Variants in KIF9 observed in about 807,000 individuals in gnomAD.
KIF9 encodes kinesin family member 9.
KIF9 carries 68 observed loss-of-function variants against 94.8 expected under a neutral mutation model. The observed-to-expected ratio is 0.72, with a 90% CI of 0.59 to 0.88. KIF9 has a LOEUF of 0.88. Among genes scored for constraint, KIF9 ranks in the 40% least tolerant of loss-of-function variants. KIF9 has a pLI of 0.00. For synonymous variants in KIF9, 343 were observed against 362.1 expected, an observed-to-expected ratio of 0.95 and a Z score of 0.60; for missense variants, 882 against 982.5, an observed-to-expected ratio of 0.90 and a Z score of 1.37.
chr3:47,252,424 T>A (rs1164591991), intron 10 of KIF9, among the ~76,000 whole-genome samples: 1 of 149,306 alleles, frequency 6.7e-6, no homozygotes, highest in African/African-American at 2.5e-5. Flanking sequence ...GGAGACCCCA[T>A]CACTAGAGGA....
intron 1 of KIF9, among the ~76,000 whole-genome samples, chr3:47,280,788 A>G (rs1702280863): frequency 6.6e-6 from 1 of 152,132 alleles, no homozygotes; most frequent in East Asian, 1.9e-4. Flanking sequence ...CACCCCATGT[A>G]TGCTTCCCAA....
At chr3:47,270,891 C>G (rs947672558) in intron 5 of KIF9, among the ~76,000 whole-genome samples, 2 of 147,552 alleles carry the variant, frequency 1.4e-5, no homozygotes, top group African/African-American at 5.0e-5. Context: ...GTAATCCCTG[C>G]ACTTTGAGAG....
chr3:47,244,953 T>A, intron 14 of KIF9, 29 bp from the exon 15 acceptor site: 2 of 1,613,002 alleles, frequency 1.2e-6, no homozygotes, highest in Middle Eastern at 1.7e-4. Flanking sequence ...CAAAGGTCTG[T>A]GAGTTAGATT....
chr3:47,233,574 T>G (rs933159523), intron 20 of KIF9, among the ~76,000 whole-genome samples: 3 of 149,816 alleles, frequency 2.0e-5, no homozygotes, highest in Non-Finnish European at 4.4e-5. Context: ...TGTATGCCTA[T>G]AGTCCCAGCT....
intron 10 of KIF9, among the ~76,000 whole-genome samples, chr3:47,253,392 G>C (rs975323677): frequency 2.6e-5 from 4 of 152,054 alleles, no homozygotes; most frequent in Admixed American, 6.6e-5. Context: ...CTGGCCTCAA[G>C]TGACCCGCCT....
intron 2 of KIF9, among the ~76,000 whole-genome samples, chr3:47,276,768 A>C (rs890936077): frequency 2.0e-5 from 3 of 152,170 alleles, no homozygotes; most frequent in Admixed American, 6.5e-5. Context: ...TGCTGCCCAG[A>C]GTAGGCCCAT....
At chr3:47,279,109 T>C (rs1702156539) in intron 1 of KIF9, among the ~76,000 whole-genome samples, 2 of 147,808 alleles carry the variant, frequency 1.4e-5, no homozygotes, top group South Asian at 4.3e-4. Flanking sequence ...TGCAGTTAGC[T>C]TTGATCATAC....
chr3:47,257,356 G>A (rs952172116), intron 10 of KIF9, 127 bp downstream of exon 10: 5 of 814,116 alleles, frequency 6.1e-6, no homozygotes, highest in Non-Finnish European at 8.2e-6. Flanking sequence ...GAGTGGAAAA[G>A]GGCTGACCCA....
intron 5 of KIF9, among the ~76,000 whole-genome samples, chr3:47,270,009 C>G (rs935322417): frequency 6.6e-6 from 1 of 151,794 alleles, no homozygotes; most frequent in Non-Finnish European, 1.5e-5. Flanking sequence ...ATCTTGTGAT[C>G]CGCCTGCCTC....
intron 16 of KIF9, 137 bp downstream of exon 16, chr3:47,242,914 T>C: frequency 1.5e-6 from 1 of 682,120 alleles, no homozygotes; most frequent in Non-Finnish European, 2.3e-6. Context: ...TCATGTTTCT[T>C]CTTTGGGGAC....
At chr3:47,240,067 GGAA>G in intron 17 of KIF9, 1 of 589,268 alleles carries the variant, frequency 1.7e-6, no homozygotes, top group Non-Finnish European at 2.6e-6. Flanking sequence ...TGAGGGGCTG[GGAA>G]TCTGCACTTG....
rs544331897 is a variant in KIF9 at position 47,280,348 on chromosome 3, T to A, written c.-6+2147A>T. ...GGACCATGAAGAAGCAGGGGAGCTC[T>A]GGGAGCAGGTGCCCAGGCCTCTCTC... is the stretch of plus-strand genomic sequence containing the variant. On this transcript the variant is annotated intron_variant, in intron 1 of 20. Transcript: ENST00000684063. 7.2e-5 allele frequency among the ~76,000 whole-genome samples: 11 copies of A among 152,316 alleles called. No homozygotes were observed. In the South Asian group the frequency reaches 2.3e-3, roughly 32 times the overall value.
chr3:47,241,884 ATTT>A (rs199875749), intron 16 of KIF9, among the ~76,000 whole-genome samples: 1,244 of 114,276 alleles, frequency 0.011, 16 homozygotes, highest in South Asian at 0.038. Flanking sequence ...ATATATATAT[ATTT>A]TTTTTTTTTT....
chr3:47,256,733 G>A (rs1268387121), intron 10 of KIF9, among the ~76,000 whole-genome samples: 1 of 152,186 alleles, frequency 6.6e-6, no homozygotes. Context: ...TTGAGAAGTC[G>A]GATGGTTGCC....
rs759498023 is a variant in KIF9, at chr3:47,265,680, T to C, written c.916+50A>G. The C allele has an allele frequency of 7.5e-6, 12 of 1,595,120 alleles. No individual in the cohort carries two copies. In the African/African-American group the frequency reaches 1.1e-4, roughly 14 times the overall value. Reference sequence around the variant, plus strand: ...GTGGCAGATGTGCCAAACCTGTCCCTCCCCAAAGACACAGACCCTCCTCCC... The same window carrying C: ...GTGGCAGATGTGCCAAACCTGTCCCCCCCCAAAGACACAGACCCTCCTCCC... On this transcript the variant is annotated intron_variant, in intron 8 of 20. Coordinates refer to ENST00000684063, the MANE Select transcript of KIF9 (RefSeq NM_182902.4).
chr3:47,279,108 C>T (rs1702156360), intron 1 of KIF9, among the ~76,000 whole-genome samples: 1 of 145,054 alleles, frequency 6.9e-6, no homozygotes. Flanking sequence ...CTGCAGTTAG[C>T]TTTGATCATA....
In KIF9 at chr3:47,232,362, G is replaced by A. The variant is rs189563421; in HGVS notation, c.2322+3151C>T. On this transcript the variant is annotated intron_variant, in intron 20 of 20. Transcript: ENST00000684063. ...TGCAGTGGTGCGATCTCAGCTCACC[G>A]CAACCTCCACCTCCCGGGTTCAAGC... Among the ~76,000 whole-genome samples the A allele has an allele frequency of 1.6e-3, 247 of 152,018 alleles. 1 individual carries two copies. The highest frequency in any genetic ancestry group is 3.4e-3 in the Middle Eastern group (1 of 294).
chr3:47,247,265 G>A, intron 12 of KIF9, 108 bp downstream of exon 12: 2 of 725,054 alleles, frequency 2.8e-6, no homozygotes, highest in African/African-American at 1.7e-5. Context: ...TCCACCCACT[G>A]CACCCATTCA....
At chr3:47,279,182 A>C (rs1576101454) in intron 1 of KIF9, among the ~76,000 whole-genome samples, 1 of 118,676 alleles carries the variant, frequency 8.4e-6, no homozygotes, top group East Asian at 2.7e-4. Context: ...AAAAAAAAAA[A>C]CTAACGTGGG....
Sources: gnomAD v4.1 joint callset for allele counts (sites outside exome capture counted in the v4.1 genomes callset) on GRCh38, gnomAD v4.1.1 for gene constraint, MANE v1.5 for transcripts, NCBI Gene and HGNC (gene_info 2026-07-23, HGNC 2026-07-21) for gene names.